XPR1: variants seen among roughly 807,000 people sequenced by gnomAD.
XPR1 encodes the protein solute carrier family 53 member 1.
In XPR1, 28 loss-of-function variants were observed where a neutral mutation model predicts 87.5. The observed-to-expected ratio is 0.32, with a 90% CI of 0.24 to 0.44. The LOEUF (loss-of-function observed/expected upper bound fraction) is 0.44, where lower values mean the gene tolerates loss of function less well. Among genes scored for constraint, XPR1 ranks in the 20% least tolerant of loss-of-function variants. XPR1 has a pLI of 1.00. For synonymous variants in XPR1, 300 were observed against 306.1 expected (o/e 0.98, Z 0.21); for missense variants, 559 against 862.3 (o/e 0.65, Z 4.41).
chr1:180,803,482 G>T lies in XPR1; in HGVS notation c.318G>T (p.Thr106=), dbSNP rs150752401. The T allele has an allele frequency of 2.6e-5, 42 of 1,613,996 alleles. 2 individuals are homozygous for T. In the South Asian group the frequency reaches 4.5e-4, roughly 17 times the overall value. ...DAQKESTGVT[T]LRQRRKPVFH... ...AGAAAGAAAGCACTGGTGTTACTACGCTGCGACAACGCAGAAAGCCAGTCT... is the reference window on the plus strand; with the variant it reads ...AGAAAGAAAGCACTGGTGTTACTACTCTGCGACAACGCAGAAAGCCAGTCT... Residue 106 remains threonine (T), a synonymous_variant, in exon 4 of 15, where the codon ACG becomes ACT. Coordinates refer to ENST00000367590, the MANE Select transcript of XPR1 (RefSeq NM_004736.4).
intron 1 of XPR1, among the ~76,000 whole-genome samples, chr1:180,634,101 C>T (rs1654686408): frequency 6.6e-6 from 1 of 152,188 alleles, no homozygotes; most frequent in African/African-American, 2.4e-5. Context: ...GGCTGGAGAA[C>T]CACATTGATT....
chr1:180,703,448 C>G lies in XPR1; in HGVS notation c.121+21037C>G, dbSNP rs367987763. 3.7e-4 allele frequency among the ~76,000 whole-genome samples: 57 copies of G among 152,240 alleles called. No homozygotes were observed. The East Asian group carries it at 0.011, about 28-fold the overall frequency. ...GGGTGGGTATTTCCCAGTTCCTAGG[C>G]TCCCAGATGATGTGCGCAGGTGTTG... On this transcript the variant is annotated intron_variant, in intron 2 of 14. Transcript: ENST00000367590.
chr1:180,707,232 G>C (rs1249194968), intron 2 of XPR1, among the ~76,000 whole-genome samples: 1 of 152,156 alleles, frequency 6.6e-6, no homozygotes, highest in Non-Finnish European at 1.5e-5. Context: ...GTATAGGTTT[G>C]TTACATAGGT....
intron 3 of XPR1, among the ~76,000 whole-genome samples, chr1:180,790,662 C>G (rs765774934): frequency 1.2e-4 from 18 of 152,112 alleles, no homozygotes; most frequent in Non-Finnish European, 2.4e-4. Context: ...GCCTCAGCCT[C>G]CCGAGTAGCT....
intron 2 of XPR1, among the ~76,000 whole-genome samples, chr1:180,729,473 A>G (rs1658479618): frequency 6.6e-6 from 1 of 152,196 alleles, no homozygotes; most frequent in Non-Finnish European, 1.5e-5. Context: ...CTTTAAGAAA[A>G]CACTGAACTA....
Position 180,632,173 on chromosome 1 carries a change from C to T in XPR1, c.-29C>T. ...CCGCCGCCGCCTGTAGCTGCTGGAC[C>T]CGAGTGGGAGTGAGGGGGAAACGGC... On this transcript the variant is annotated 5_prime_UTR_variant, in exon 1 of 15. Transcript: ENST00000367590. The T allele has an allele frequency of 2.5e-6, 4 of 1,595,512 alleles. No homozygotes were observed. The highest frequency in any genetic ancestry group is 8.5e-7 in the Non-Finnish European group (1 of 1,171,388).
At chr1:180,831,146 C>T (rs1266062408) in intron 9 of XPR1, among the ~76,000 whole-genome samples, 1 of 152,194 alleles carries the variant, frequency 6.6e-6, no homozygotes, top group Non-Finnish European at 1.5e-5. Flanking sequence ...AGGCATGCCT[C>T]AGATGGAGTA....
chr1:180,698,756 T>C (rs1657251603), intron 2 of XPR1, among the ~76,000 whole-genome samples: 1 of 152,202 alleles, frequency 6.6e-6, no homozygotes, highest in South Asian at 2.1e-4. Flanking sequence ...TCTCCTTCAT[T>C]TTTTAGGGAT....
chr1:180,665,098 A>G (rs1003565490), intron 1 of XPR1, among the ~76,000 whole-genome samples: 6 of 152,226 alleles, frequency 3.9e-5, no homozygotes, highest in Non-Finnish European at 7.3e-5. Context: ...ACAGTTTCCC[A>G]TTGCTGAGGA....
At chr1:180,684,030 C>T (rs1656678417) in intron 2 of XPR1, among the ~76,000 whole-genome samples, 1 of 152,132 alleles carries the variant, frequency 6.6e-6, no homozygotes, top group East Asian at 1.9e-4. Flanking sequence ...GACATGAAGT[C>T]CTTGCCCATG....
chr1:180,649,944 C>T (rs1390059298), intron 1 of XPR1, among the ~76,000 whole-genome samples: 2 of 152,152 alleles, frequency 1.3e-5, no homozygotes, highest in Non-Finnish European at 2.9e-5. Context: ...TCCACTTCCT[C>T]AACACTTCTG....
intron 11 of XPR1, among the ~76,000 whole-genome samples, chr1:180,847,948 G>A (rs1473265071): frequency 2.0e-5 from 3 of 152,058 alleles, no homozygotes; most frequent in Non-Finnish European, 4.4e-5. Context: ...AACGTAGAAG[G>A]AAAGCATCTT....
chr1:180,687,300 A>G (rs1656818054), intron 2 of XPR1, among the ~76,000 whole-genome samples: 1 of 152,130 alleles, frequency 6.6e-6, no homozygotes, highest in Non-Finnish European at 1.5e-5. Flanking sequence ...ATTATTAGAG[A>G]AAAACTGAAT....
chr1:180,842,789 T>G (rs1236243781), intron 11 of XPR1, among the ~76,000 whole-genome samples: 1 of 152,238 alleles, frequency 6.6e-6, no homozygotes, highest in Non-Finnish European at 1.5e-5. Flanking sequence ...TATTTTTCAT[T>G]TACAGTTTCT....
chr1:180,853,791 G>GTTTTTTTTTTTTTTTTT (rs374408714), intron 11 of XPR1, among the ~76,000 whole-genome samples: 2 of 109,404 alleles, frequency 1.8e-5, no homozygotes, highest in Non-Finnish European at 3.6e-5. Context: ...CATTCATGTG[G>GTTTTTTTTTTTTTTTTT]TTTTTTTTTT....
At chr1:180,683,699 C>T (rs1249978178) in intron 2 of XPR1, among the ~76,000 whole-genome samples, 1 of 152,100 alleles carries the variant, frequency 6.6e-6, no homozygotes, top group Non-Finnish European at 1.5e-5. Context: ...TTTTGATTTG[C>T]ATTTCTCTGA....
intron 1 of XPR1, among the ~76,000 whole-genome samples, chr1:180,644,858 T>G (rs969778765): frequency 1.3e-5 from 2 of 151,940 alleles, no homozygotes; most frequent in African/African-American, 4.8e-5. Flanking sequence ...CTCAACATAA[T>G]GTAGAATCAG....
chr1:180,664,614 C>A (rs1341321529), intron 1 of XPR1, among the ~76,000 whole-genome samples: 1 of 152,158 alleles, frequency 6.6e-6, no homozygotes, highest in South Asian at 2.1e-4. Context: ...CACTGGGAGA[C>A]AGATGACATG....
chr1:180,746,098 T>C (rs1170232482), intron 2 of XPR1, among the ~76,000 whole-genome samples: 1 of 152,322 alleles, frequency 6.6e-6, no homozygotes, highest in Middle Eastern at 3.4e-3. Context: ...TATTTTACTA[T>C]GTTTTTTTAT....
Sources: gnomAD v4.1 joint callset for allele counts (sites outside exome capture counted in the v4.1 genomes callset) on GRCh38, gnomAD v4.1.1 for gene constraint, MANE v1.5 for transcripts, NCBI Gene and HGNC (gene_info 2026-07-23, HGNC 2026-07-21) for gene names.